Variants in SORCS3 observed in about 807,000 individuals in gnomAD.
SORCS3 encodes the protein VPS10 domain-containing receptor SorCS3.
SORCS3 carries 57 observed loss-of-function variants against 146.3 expected under a neutral mutation model. The observed-to-expected ratio is 0.39, with a 90% CI of 0.31 to 0.49. SORCS3 has a LOEUF of 0.49. Ranked by LOEUF, SORCS3 falls within the 20% of genes least tolerant of loss-of-function variation. The probability of loss-of-function intolerance (pLI) is 0.92; values close to 1 mark genes in which losing one functional copy is unlikely to be tolerated. For synonymous variants in SORCS3, 653 were observed against 618.5 expected (o/e 1.06, Z -0.83); for missense variants, 1,341 against 1,575.5 (o/e 0.85, Z 2.52).
Position 105,178,115 on chromosome 10 carries a change from G to T in SORCS3, c.1951G>T (p.Val651Phe). The change falls in exon 14 of 27, where the codon GTT becomes TTT. Residue 651 changes from valine to phenylalanine, a missense_variant. Transcript: ENST00000369701. Reference protein sequence around the residue: ...HSWDKYGFTSVPLFVDGALVE... With the variant: ...HSWDKYGFTSFPLFVDGALVE... ...TTGGGACAAGTATGGTTTCACTTCG[G>T]TTCCTCTCTTTGTTGACGGGGCTCT... 1.9e-6 allele frequency: 3 copies of T among 1,613,592 alleles called. No homozygotes were observed. The highest frequency in any genetic ancestry group is 2.5e-6 in the Non-Finnish European group (3 of 1,179,752).
At chr10:104,799,316 T>C (rs1315060111) in intron 1 of SORCS3, among the ~76,000 whole-genome samples, 1 of 152,208 alleles carries the variant, frequency 6.6e-6, no homozygotes, top group Non-Finnish European at 1.5e-5. Context: ...AATGATAGAC[T>C]GGATTAAGAA....
intron 2 of SORCS3, among the ~76,000 whole-genome samples, chr10:104,889,178 G>T: frequency 6.8e-6 from 1 of 147,208 alleles, no homozygotes; most frequent in African/African-American, 2.5e-5. Flanking sequence ...ACTTATTTGT[G>T]TCTTTATATT....
intron 8 of SORCS3, among the ~76,000 whole-genome samples, chr10:105,146,748 T>A (rs1048949971): frequency 1.3e-5 from 2 of 152,146 alleles, no homozygotes; most frequent in Non-Finnish European, 2.9e-5. Flanking sequence ...TCTGTGTGCC[T>A]GAGTTTGCTC....
At position 104,687,942 on chromosome 10, in the gene SORCS3, C is replaced by T. The variant is rs144140792; in HGVS notation, c.627+45988C>T. 5.2e-3 allele frequency among the ~76,000 whole-genome samples: 784 copies of T among 152,194 alleles called. 6 individuals are homozygous for T. Among genetic ancestry groups the T allele is most frequent in the African/African-American group, 0.018 (737 of 41,522 alleles). ...TCACAGTGCCTGGCACATAACAGCC[C>T]AAGAATTTAGTGATCATCATCATCC... On this transcript the variant is annotated intron_variant, in intron 1 of 26. Coordinates refer to ENST00000369701, the MANE Select transcript of SORCS3 (RefSeq NM_014978.3).
At chr10:104,682,896 C>G (rs1288156065) in intron 1 of SORCS3, among the ~76,000 whole-genome samples, 1 of 152,168 alleles carries the variant, frequency 6.6e-6, no homozygotes, top group Non-Finnish European at 1.5e-5. Context: ...CCCTGAAGCT[C>G]TCTGCTTTCT....
chr10:104,647,457 C>T (rs560049431), intron 1 of SORCS3, among the ~76,000 whole-genome samples: 19 of 152,336 alleles, frequency 1.2e-4, no homozygotes, highest in South Asian at 1.2e-3. Context: ...GTGCACCACA[C>T]ATTTTGTCAT....
At chr10:104,649,272 G>A (rs2015531475) in intron 1 of SORCS3, among the ~76,000 whole-genome samples, 2 of 152,118 alleles carry the variant, frequency 1.3e-5, no homozygotes, top group African/African-American at 4.8e-5. Context: ...TTTCTTAATA[G>A]CTGTGTGACA....
intron 20 of SORCS3, among the ~76,000 whole-genome samples, chr10:105,231,463 A>G (rs1564790592): frequency 6.6e-6 from 1 of 152,194 alleles, no homozygotes; most frequent in Non-Finnish European, 1.5e-5. Context: ...CATATCATCT[A>G]TGAACAAATA....
At chr10:104,676,365 T>C (rs1377106421) in intron 1 of SORCS3, among the ~76,000 whole-genome samples, 1 of 152,216 alleles carries the variant, frequency 6.6e-6, no homozygotes, top group South Asian at 2.1e-4. Flanking sequence ...TACTAGGTTA[T>C]GGATAAAAGC....
intron 1 of SORCS3, among the ~76,000 whole-genome samples, chr10:104,666,685 A>T (rs1451230057): frequency 6.6e-6 from 1 of 152,164 alleles, no homozygotes; most frequent in Non-Finnish European, 1.5e-5. Context: ...AGCTCACTGT[A>T]ACCTCAAACT....
At chr10:104,811,841 A>G (rs958837256) in intron 1 of SORCS3, among the ~76,000 whole-genome samples, 5 of 152,186 alleles carry the variant, frequency 3.3e-5, no homozygotes, top group African/African-American at 1.2e-4. Context: ...TTGAGAACAA[A>G]GGAATGGCCT....
chr10:105,236,163 T>C (rs1041913056), intron 20 of SORCS3, among the ~76,000 whole-genome samples: 1 of 152,042 alleles, frequency 6.6e-6, no homozygotes, highest in South Asian at 2.1e-4. Flanking sequence ...GAAGGATAGG[T>C]CATTTAATAA....
chr10:105,218,931 C>A (rs915497942), intron 19 of SORCS3, among the ~76,000 whole-genome samples: 2 of 152,138 alleles, frequency 1.3e-5, no homozygotes, highest in Non-Finnish European at 2.9e-5. Context: ...AGGAGAATCG[C>A]TTGAACCTGG....
At chr10:104,682,319 C>T (rs762416216) in intron 1 of SORCS3, among the ~76,000 whole-genome samples, 1 of 152,196 alleles carries the variant, frequency 6.6e-6, no homozygotes, top group African/African-American at 2.4e-5. Context: ...GAGGCCAGGT[C>T]CTGGGGCTGC....
intron 2 of SORCS3, among the ~76,000 whole-genome samples, chr10:104,856,840 T>C (rs1164194061): frequency 6.9e-6 from 1 of 144,442 alleles, no homozygotes; most frequent in Non-Finnish European, 1.5e-5. Context: ...TATCAATATA[T>C]AAATAATATA....
intron 2 of SORCS3, among the ~76,000 whole-genome samples, chr10:104,855,716 AGT>A (rs58569291): frequency 1.3e-5 from 2 of 150,726 alleles, no homozygotes; most frequent in South Asian, 2.1e-4. Context: ...TTTGCTTTTG[AGT>A]GTGTGTGTGT....
chr10:104,716,184 A>G (rs1403921275), intron 1 of SORCS3, among the ~76,000 whole-genome samples: 1 of 152,106 alleles, frequency 6.6e-6, no homozygotes, highest in Non-Finnish European at 1.5e-5. Context: ...ACTGTCGGAC[A>G]GGTAATTTAC....
At chr10:104,670,855 T>G (rs1271536585) in intron 1 of SORCS3, among the ~76,000 whole-genome samples, 1 of 143,384 alleles carries the variant, frequency 7.0e-6, no homozygotes, top group Admixed American at 7.0e-5. Context: ...TTCAGCAGTA[T>G]TTTATAATTT....
chr10:104,928,232 G>T (rs951334242), intron 3 of SORCS3, among the ~76,000 whole-genome samples: 1 of 152,164 alleles, frequency 6.6e-6, no homozygotes, highest in Non-Finnish European at 1.5e-5. Flanking sequence ...GGGCTTGAAA[G>T]CATGAGACCT....
Sources: gnomAD v4.1 joint callset for allele counts (sites outside exome capture counted in the v4.1 genomes callset) on GRCh38, gnomAD v4.1.1 for gene constraint, MANE v1.5 for transcripts, NCBI Gene and HGNC (gene_info 2026-07-23, HGNC 2026-07-21) for gene names.